Variants in MARCHF4 observed in about 807,000 individuals in gnomAD.
MARCHF4 encodes E3 ubiquitin-protein ligase MARCHF4.
Under a neutral mutation model 43.9 loss-of-function variants are expected in MARCHF4, and 14 were observed. The observed-to-expected ratio is 0.32, with a 90% confidence interval of 0.21 to 0.50. MARCHF4 has a LOEUF of 0.50. Ranked by LOEUF, MARCHF4 falls within the 20% of genes least tolerant of loss-of-function variation. The probability of loss-of-function intolerance (pLI) is 0.98; values close to 1 mark genes in which losing one functional copy is unlikely to be tolerated. For synonymous variants in MARCHF4, 226 were observed against 213.3 expected (o/e 1.06, Z -0.52); for missense variants, 468 against 536.7 (o/e 0.87, Z 1.27).
At chr2:216,319,251 T>C (rs1691840345) in intron 1 of MARCHF4, among the ~76,000 whole-genome samples, 1 of 152,132 alleles carries the variant, frequency 6.6e-6, no homozygotes, top group Admixed American at 6.5e-5. Flanking sequence ...GAGATTGCAG[T>C]GAGCCGAAAT....
intron 1 of MARCHF4, among the ~76,000 whole-genome samples, chr2:216,307,763 A>G (rs536908225): frequency 7.9e-5 from 12 of 152,296 alleles, no homozygotes; most frequent in African/African-American, 2.4e-4. Flanking sequence ...TCACATTTCC[A>G]TGTATTCATT....
intron 1 of MARCHF4, among the ~76,000 whole-genome samples, chr2:216,322,953 C>G (rs1479231855): frequency 6.6e-6 from 1 of 152,138 alleles, no homozygotes; most frequent in Non-Finnish European, 1.5e-5. Flanking sequence ...CTATTAAGGC[C>G]AAGAAAGTTG....
chr2:216,339,874 C>CG (rs2105973795), intron 1 of MARCHF4, among the ~76,000 whole-genome samples: 1 of 152,178 alleles, frequency 6.6e-6, no homozygotes, highest in East Asian at 1.9e-4. Flanking sequence ...CATGGAGCCT[C>CG]GGGGGACTTA....
At chr2:216,286,272 G>C (rs1016057587) in intron 1 of MARCHF4, among the ~76,000 whole-genome samples, 23 of 152,206 alleles carry the variant, frequency 1.5e-4, no homozygotes, top group African/African-American at 5.1e-4. Flanking sequence ...AGGTGCAGTG[G>C]CTCACGCCTG....
At chr2:216,336,650 G>A (rs1692160396) in intron 1 of MARCHF4, among the ~76,000 whole-genome samples, 1 of 147,192 alleles carries the variant, frequency 6.8e-6, no homozygotes, top group African/African-American at 2.5e-5. Context: ...TTGATGAATT[G>A]GTTTTTGGAA....
In MARCHF4 at chr2:216,370,739, A is replaced by T. The variant is rs537419560; in HGVS notation, c.-479T>A. On this transcript the variant is annotated 5_prime_UTR_variant, in exon 1 of 4. Transcript: ENST00000273067. ...TATATAAAAGGGTGGGGACAATTGT[A>T]AATCAAATCTGGAGTGGATTGAGCT... 1 of 153,542 alleles carries T rather than the reference A, an allele frequency of 6.5e-6. No individual in the cohort carries two copies. The highest frequency in any genetic ancestry group is 2.1e-4 in the South Asian group (1 of 4,848). 9.5% of individuals were successfully genotyped at this position (153,542 alleles called of 1,614,324 possible). A position where few individuals can be genotyped will look rare whatever the true frequency, so the allele number is the denominator to read the frequency against.
chr2:216,272,989 T>C (rs930491215), intron 3 of MARCHF4, among the ~76,000 whole-genome samples: 1 of 152,038 alleles, frequency 6.6e-6, no homozygotes, highest in Non-Finnish European at 1.5e-5. Flanking sequence ...TGCTCTGGAG[T>C]CTTCTCATTG....
In MARCHF4 at chr2:216,371,630, G is replaced by C. The variant is rs1322520767; in HGVS notation, c.-1370C>G. On this transcript the variant is annotated 5_prime_UTR_variant, in exon 1 of 4. Coordinates refer to ENST00000273067, the MANE Select transcript of MARCHF4 (RefSeq NM_020814.3). ...TCCTCCTCCTCCCCCTTCCCTGGGG[G>C]CCAGCCCTGAGCCCCCGCGCCCGGG... The C allele has an allele frequency of 6.6e-6, 1 of 152,450 alleles. No homozygotes were observed. The highest frequency in any genetic ancestry group is 2.4e-5 in the African/African-American group (1 of 41,564). The allele number at this position is 152,450 out of a possible 1,614,324, so 9.4% of individuals were successfully genotyped here.
At chr2:216,289,167 C>T (rs931040628) in intron 1 of MARCHF4, among the ~76,000 whole-genome samples, 3 of 151,384 alleles carry the variant, frequency 2.0e-5, no homozygotes, top group Non-Finnish European at 2.9e-5. Flanking sequence ...AGGCTTACTG[C>T]AATAGAGGAA....
intron 3 of MARCHF4, among the ~76,000 whole-genome samples, chr2:216,274,793 T>C (rs1158864107): frequency 1.3e-5 from 2 of 152,244 alleles, no homozygotes; most frequent in Non-Finnish European, 2.9e-5. Context: ...CAAATGCCTC[T>C]GTTTCAGAAT....
chr2:216,287,290 C>T (rs954599607), intron 1 of MARCHF4, among the ~76,000 whole-genome samples: 1 of 152,052 alleles, frequency 6.6e-6, no homozygotes. Context: ...TTGAACAGGC[C>T]CTAGGGTATG....
In MARCHF4 at chr2:216,259,532, G is replaced by A. The variant is rs780279019; in HGVS notation, c.1013C>T (p.Ser338Leu). Residue 338 changes from serine (S) to leucine (L), a missense_variant, in exon 4 of 4, where the codon TCA becomes TTA. By Grantham distance (145) the Ser-to-Leu change is moderately radical. This residue lies in a region of MARCHF4 where 120 missense variants were observed against 127.1 expected (regional missense o/e 0.94). Transcript: ENST00000273067. ...AGGRTNPRTSSSTQANIPSSE... is the reference protein window; with the variant it reads ...AGGRTNPRTSLSTQANIPSSE... Reference sequence around the variant, plus strand: ...GGAGGGGATATTGGCCTGGGTGGATGAGGAGGTCCGGGGGTTGGTCCTGCC... The same window carrying A: ...GGAGGGGATATTGGCCTGGGTGGATAAGGAGGTCCGGGGGTTGGTCCTGCC... The A allele has an allele frequency of 1.9e-5, 30 of 1,614,086 alleles. No homozygotes were observed. Among genetic ancestry groups the A allele is most frequent in the Non-Finnish European group, 2.5e-5 (29 of 1,180,040 alleles).
Position 216,300,346 on chromosome 2 carries a change from A to ATACACATATATATACGTATATATATG in MARCHF4, c.517-16618_517-16617insCATATATATACGTATATATATGTGTA, listed in dbSNP as rs1559093169. 9.0e-4 allele frequency among the ~76,000 whole-genome samples: 128 copies of ATACACATATATATACGTATATATATG among 142,460 alleles called. 1 individual carries two copies. The highest frequency in any genetic ancestry group is 3.4e-3 in the African/African-American group (128 of 37,180). The allele number at this position is 142,460 out of a possible 152,430, so 93.5% of individuals were successfully genotyped here. A position where few individuals can be genotyped will look rare whatever the true frequency, so the allele number is the denominator to read the frequency against. ...TATATATGTCCATCTCGATATATAT[A>ATACACATATATATACGTATATATATG]TATGTATATATATATATATATATGA... On this transcript the variant is annotated intron_variant, in intron 1 of 3. Transcript: ENST00000273067.
chr2:216,303,388 C>A (rs937419813), intron 1 of MARCHF4: 1 of 152,210 alleles, frequency 6.6e-6, no homozygotes, highest in Non-Finnish European at 1.5e-5. Context: ...GGCAGGATAA[C>A]AATTTAAAGA....
intron 1 of MARCHF4, among the ~76,000 whole-genome samples, chr2:216,314,274 A>C (rs940037083): frequency 6.6e-6 from 1 of 152,130 alleles, no homozygotes; most frequent in Admixed American, 6.6e-5. Flanking sequence ...CATAGAGTTT[A>C]CAATCTAATT....
chr2:216,333,726 C>T (rs2105970705), intron 1 of MARCHF4, among the ~76,000 whole-genome samples: 1 of 152,308 alleles, frequency 6.6e-6, no homozygotes, highest in East Asian at 1.9e-4. Flanking sequence ...CAAGTTTCTT[C>T]TCACCTTTTC....
intron 1 of MARCHF4, among the ~76,000 whole-genome samples, chr2:216,367,070 A>AT (rs1692677217): frequency 6.6e-6 from 1 of 152,108 alleles, no homozygotes; most frequent in Non-Finnish European, 1.5e-5. Context: ...TCAAATACTC[A>AT]TTTTTTGGCA....
chr2:216,308,009 T>C (rs1176799780), intron 1 of MARCHF4, among the ~76,000 whole-genome samples: 3 of 152,156 alleles, frequency 2.0e-5, no homozygotes, highest in African/African-American at 4.8e-5. Flanking sequence ...TGAGCTATGA[T>C]TGAGCCACTG....
Position 216,259,103 on chromosome 2 carries a change from G to A in MARCHF4, c.*209C>T. On this transcript the variant is annotated 3_prime_UTR_variant, in exon 4 of 4. Transcript: ENST00000273067. Reference sequence around the variant, plus strand: ...TGTTGAGTTGGTGTTGGTTTTCATTGTTGTTGTGGAGAGTGGCATTGACTG... The same window carrying A: ...TGTTGAGTTGGTGTTGGTTTTCATTATTGTTGTGGAGAGTGGCATTGACTG... 1 of 530,580 alleles carries A rather than the reference G, an allele frequency of 1.9e-6. No homozygotes were observed. The allele number at this position is 530,580 out of a possible 1,614,324, so 32.9% of individuals were successfully genotyped here. A position where few individuals can be genotyped will look rare whatever the true frequency, so the allele number is the denominator to read the frequency against.
Sources: allele counts gnomAD v4.1 joint callset (sites outside exome capture counted in the v4.1 genomes callset), GRCh38; gene constraint gnomAD v4.1.1; regional missense constraint gnomAD v4.1.1; transcripts MANE v1.5; gene names NCBI Gene and HGNC (gene_info 2026-07-23, HGNC 2026-07-21).